The following ISM1 variants were observed in gnomAD, a reference collection of about 807,000 sequenced individuals.
ISM1 encodes the protein isthmin-1.
ISM1 carries 25 observed loss-of-function variants against 46.3 expected under a neutral mutation model. That is an observed-to-expected ratio of 0.54 (90% CI 0.39 to 0.75). The LOEUF (loss-of-function observed/expected upper bound fraction) is 0.75. Ranked by LOEUF, ISM1 falls within the 30% of genes least tolerant of loss-of-function variation. The pLI is 0.00. For synonymous variants in ISM1, 255 were observed against 256.7 expected, an observed-to-expected ratio of 0.99 and a Z score of 0.06; for missense variants, 536 against 625.4, an observed-to-expected ratio of 0.86 and a Z score of 1.52.
At chr20:13,273,262 T>G (rs2123261010) in intron 2 of ISM1, among the ~76,000 whole-genome samples, 1 of 151,810 alleles carries the variant, frequency 6.6e-6, no homozygotes, top group East Asian at 1.9e-4. Flanking sequence ...TTTGACAAGG[T>G]CTTTCTTTGT....
chr20:13,307,707 T>C, the ISM1 span, among the ~76,000 whole-genome samples: 2 of 152,236 alleles, frequency 1.3e-5, no homozygotes, highest in African/African-American at 4.8e-5. Context: ...CTGTGAGGTC[T>C]GGCATATTTT....
chr20:13,309,897 CT>C, the ISM1 span, among the ~76,000 whole-genome samples: 1 of 152,048 alleles, frequency 6.6e-6, no homozygotes, highest in African/African-American at 2.4e-5. Flanking sequence ...GATGAAAGAT[CT>C]GTACACTGAA....
chr20:13,299,391 C>G lies in ISM1; in HGVS notation c.1327C>G (p.Gln443Glu), dbSNP rs768482631. 9.9e-6 allele frequency: 16 copies of G among 1,613,094 alleles called. No individual in the cohort carries two copies. In the East Asian group the frequency reaches 3.3e-4, roughly 34 times the overall value. ...CGAGGCCCGGCCTCCCAACAACGGA[C>G]AGAAGTGCACAGAGAGCCCCTCGGA... is the stretch of plus-strand genomic sequence containing the variant. ...YNEARPPNNG[Q>E]KCTESPSDED... Residue 443 changes from glutamine (Q) to glutamate (E), a missense_variant, in exon 6 of 6, where the codon CAG (glutamine) becomes GAG (glutamate). By Grantham distance (29) the Gln-to-Glu change is conservative. This residue lies in a region of ISM1 where 169 missense variants were observed against 249.3 expected (regional missense o/e 0.68). Transcript: ENST00000262487. The surrounding 1 kb of genome is among the most constrained non-coding windows in gnomAD (Gnocchi z 5.8).
At chr20:13,229,255 T>C (rs1465704366) in intron 1 of ISM1, among the ~76,000 whole-genome samples, 1 of 152,170 alleles carries the variant, frequency 6.6e-6, no homozygotes, top group Non-Finnish European at 1.5e-5. Context: ...TATATGCCTA[T>C]ATAGTTACCA....
At chr20:13,242,949 C>T (rs1301561917) in intron 1 of ISM1, among the ~76,000 whole-genome samples, 3 of 152,092 alleles carry the variant, frequency 2.0e-5, no homozygotes, top group Admixed American at 6.5e-5. Flanking sequence ...CTTATTTAAC[C>T]GTCAAAACAA....
chr20:13,259,997 G>C (rs961784349), intron 1 of ISM1, among the ~76,000 whole-genome samples: 2 of 152,188 alleles, frequency 1.3e-5, no homozygotes, highest in Non-Finnish European at 2.9e-5. Context: ...TCCATGAATA[G>C]AGCTAACAGC....
intron 1 of ISM1, among the ~76,000 whole-genome samples, chr20:13,268,309 T>TC (rs2040069655): frequency 6.6e-6 from 1 of 150,758 alleles, no homozygotes; most frequent in South Asian, 2.1e-4. Flanking sequence ...TTCTCTTCTC[T>TC]TTTCTCTTCT....
rs1477456278 is a variant in ISM1 at position 13,221,652 on chromosome 20, C to A, written c.-125C>A. 2.5e-6 allele frequency: 2 copies of A among 788,090 alleles called. No individual in the cohort carries two copies. Among genetic ancestry groups the A allele is most frequent in the Non-Finnish European group, 3.3e-6 (2 of 603,362 alleles). The allele number at this position is 788,090 out of a possible 1,614,324, so 48.8% of individuals were successfully genotyped here. ...AGCCCCGCGGGCCCGGGAAGCGGAG[C>A]CCTGGCGGGAGCCGAGGCGGGAGCC... On this transcript the variant is annotated 5_prime_UTR_variant, in exon 1 of 6. Transcript: ENST00000262487.
intron 1 of ISM1, among the ~76,000 whole-genome samples, chr20:13,227,506 CTTTT>C (rs2039539510): frequency 8.5e-6 from 1 of 118,236 alleles, no homozygotes; most frequent in South Asian, 2.9e-4. Flanking sequence ...CCCAGCCCAA[CTTTT>C]TTCTTTTTTT....
intron 1 of ISM1, among the ~76,000 whole-genome samples, chr20:13,236,219 G>A (rs760918521): frequency 1.1e-4 from 16 of 152,270 alleles, no homozygotes; most frequent in East Asian, 1.9e-4. Flanking sequence ...CAATGTGCCC[G>A]TCTCGGCCAT....
intron 1 of ISM1, among the ~76,000 whole-genome samples, chr20:13,253,053 G>A (rs554251085): frequency 1.3e-5 from 2 of 152,160 alleles, no homozygotes; most frequent in Non-Finnish European, 1.5e-5. Context: ...CTTAATTAGA[G>A]ACAGACACAC....
At chr20:13,246,272 CAAA>C (rs34312426) in intron 1 of ISM1, among the ~76,000 whole-genome samples, 2 of 121,068 alleles carry the variant, frequency 1.7e-5, no homozygotes. Flanking sequence ...GACTCCATCT[CAAA>C]AAAAAAAAAA....
chr20:13,242,246 G>A (rs1357612989), intron 1 of ISM1, among the ~76,000 whole-genome samples: 1 of 152,158 alleles, frequency 6.6e-6, no homozygotes, highest in Non-Finnish European at 1.5e-5. Context: ...ACAACAGGAG[G>A]TCAATGGTAA....
chr20:13,221,536 G>T lies in ISM1; in HGVS notation c.-241G>T, dbSNP rs1454169730. Among the ~76,000 whole-genome samples, 1 of 144,452 alleles carries T rather than the reference G, an allele frequency of 6.9e-6. No homozygotes were observed. Among genetic ancestry groups the T allele is most frequent in the South Asian group, 2.1e-4 (1 of 4,686 alleles). The allele number at this position is 144,452 out of a possible 152,430, so 94.8% of individuals were successfully genotyped here. On this transcript the variant is annotated 5_prime_UTR_variant, in exon 1 of 6. Transcript: ENST00000262487. Reference sequence around the variant, plus strand: ...CCGGCTTGGACACCCCCGGCCTCGCGGTGGCTCCGCCGTGGTGCGGCGGCG... The same window carrying T: ...CCGGCTTGGACACCCCCGGCCTCGCTGTGGCTCCGCCGTGGTGCGGCGGCG...
At chr20:13,280,401 C>A (rs557322546) in intron 3 of ISM1, among the ~76,000 whole-genome samples, 29 of 146,868 alleles carry the variant, frequency 2.0e-4, no homozygotes, top group African/African-American at 4.7e-4. Context: ...ACCCCCCCCC[C>A]CCAATACATT....
In ISM1 at chr20:13,265,955, C is replaced by T. The variant is rs185695993; in HGVS notation, c.139-4549C>T. Among the ~76,000 whole-genome samples the T allele has an allele frequency of 6.3e-4, 96 of 152,296 alleles. No homozygotes were observed. In the Middle Eastern group the frequency reaches 0.017, roughly 27 times the overall value. On this transcript the variant is annotated intron_variant, in intron 1 of 5. Coordinates refer to ENST00000262487, the MANE Select transcript of ISM1 (RefSeq NM_080826.2). ...CCACGCTTAGACTACAGCCTCCATC[C>T]TCAGGCCTGCCAGCCGCCTCATTTC... is the stretch of plus-strand genomic sequence containing the variant.
At position 13,234,208 on chromosome 20, in the gene ISM1, C is replaced by T. The variant is rs146010580; in HGVS notation, c.138+12294C>T. Among the ~76,000 whole-genome samples, 642 of 152,242 alleles carry T rather than the reference C, an allele frequency of 4.2e-3. 2 individuals are homozygous for T. The highest frequency in any genetic ancestry group is 0.015 in the African/African-American group (610 of 41,534). On this transcript the variant is annotated intron_variant, in intron 1 of 5. Transcript: ENST00000262487. ...TTTAGCCCCCACTTATAAGGGAGAA[C>T]GTGGTATTCGACTTTCTGTTTCTGA...
At chr20:13,269,272 T>C (rs1344343257) in intron 1 of ISM1, among the ~76,000 whole-genome samples, 4 of 152,182 alleles carry the variant, frequency 2.6e-5, no homozygotes, top group Non-Finnish European at 5.9e-5. Flanking sequence ...GTAAATCTTC[T>C]GTGAGAGGAG....
chr20:13,246,202 G>A (rs1293139068), intron 1 of ISM1, among the ~76,000 whole-genome samples: 1 of 151,854 alleles, frequency 6.6e-6, no homozygotes, highest in Non-Finnish European at 1.5e-5. Flanking sequence ...GAACCCAGGA[G>A]GCGGAGGTTG....
Sources: gnomAD v4.1 joint callset for allele counts (sites outside exome capture counted in the v4.1 genomes callset) on GRCh38, gnomAD v4.1.1 for gene constraint, gnomAD v4.1.1 regional missense constraint, Gnocchi (gnomAD v3.1) non-coding constraint, MANE v1.5 for transcripts, NCBI Gene and HGNC (gene_info 2026-07-23, HGNC 2026-07-21) for gene names.